TMEM267: variants seen among roughly 807,000 people sequenced by gnomAD.
TMEM267 encodes transmembrane protein C5orf28.
A neutral mutation model predicts 19.3 loss-of-function variants in TMEM267; 20 were observed. That is an observed-to-expected ratio of 1.04 (90% CI 0.73 to 1.51). The LOEUF (loss-of-function observed/expected upper bound fraction) is 1.51. Ranked by LOEUF, TMEM267 falls within the 40% of genes most tolerant of loss-of-function variation. The probability of loss-of-function intolerance (pLI) is 0.00; values close to 1 mark genes in which losing one functional copy is unlikely to be tolerated. For missense variants in TMEM267, 242 were observed against 261.9 expected (o/e 0.92, Z 0.52); for synonymous variants, 88 against 90.3 (o/e 0.97, Z 0.15).
chr5:43,467,178 A>C (rs1417279347), intron 1 of TMEM267, among the ~76,000 whole-genome samples: 1 of 151,398 alleles, frequency 6.6e-6, no homozygotes, highest in Non-Finnish European at 1.5e-5. Flanking sequence ...AGAAGGAAGA[A>C]AAGACCATAA....
intron 1 of TMEM267, among the ~76,000 whole-genome samples, chr5:43,462,151 G>A (rs570167479): frequency 7.9e-4 from 120 of 152,302 alleles, no homozygotes; most frequent in Non-Finnish European, 1.3e-3. Context: ...TGGTAATCCA[G>A]AGAATTCTCC....
intron 2 of TMEM267, among the ~76,000 whole-genome samples, chr5:43,447,092 A>C (rs1742287229): frequency 2.0e-5 from 3 of 151,874 alleles, no homozygotes; most frequent in Admixed American, 2.0e-4. Flanking sequence ...AACTTCAGTA[A>C]ATTTCTTTTT....
intron 1 of TMEM267, among the ~76,000 whole-genome samples, chr5:43,482,622 C>G (rs1438149072): frequency 2.6e-5 from 4 of 152,132 alleles, no homozygotes; most frequent in African/African-American, 9.7e-5. Context: ...CATAATAAAT[C>G]CGCAGCCTAT....
At chr5:43,449,277 A>G (rs997043789) in intron 2 of TMEM267, among the ~76,000 whole-genome samples, 1 of 152,188 alleles carries the variant, frequency 6.6e-6, no homozygotes, top group African/African-American at 2.4e-5. Flanking sequence ...GTCTCAAGAA[A>G]GAAAAGAAAA....
chr5:43,474,372 G>T (rs1329700497), intron 1 of TMEM267, among the ~76,000 whole-genome samples: 1 of 152,128 alleles, frequency 6.6e-6, no homozygotes, highest in Non-Finnish European at 1.5e-5. Context: ...CTGAAAAAGG[G>T]CTAATATCCA....
chr5:43,459,784 A>G (rs886461321), intron 1 of TMEM267, among the ~76,000 whole-genome samples: 1 of 152,214 alleles, frequency 6.6e-6, no homozygotes, highest in Non-Finnish European at 1.5e-5. Context: ...TTCATATGCT[A>G]TGAAGCAGTG....
intron 2 of TMEM267, among the ~76,000 whole-genome samples, chr5:43,448,498 C>T (rs1027870091): frequency 6.6e-6 from 1 of 152,048 alleles, no homozygotes; most frequent in Non-Finnish European, 1.5e-5. Flanking sequence ...AATATCAAGC[C>T]AGGTGGAGTG....
In TMEM267 at chr5:43,445,489, G is replaced by A. The variant is rs1027769671; in HGVS notation, c.*733C>T. The stretch of plus-strand genomic sequence containing the variant: ...TTCAAAACAGTTAAAACTAACACAC[G>A]AGATTCTAGGCTAGAGATACCAAAA... On this transcript the variant is annotated 3_prime_UTR_variant, in exon 3 of 3. Transcript: ENST00000397080. 5 of 151,846 alleles carry A rather than the reference G, an allele frequency of 3.3e-5. No homozygotes were observed. Among genetic ancestry groups the A allele is most frequent in the African/African-American group, 9.7e-5 (4 of 41,338 alleles). The allele number at this position is 151,846 out of a possible 1,614,324, so 9.4% of individuals were successfully genotyped here.
At chr5:43,483,975 G>A (rs1324142483), upstream of TMEM267, 1 of 152,276 alleles carries the variant, frequency 6.6e-6, no homozygotes, top group African/African-American at 2.4e-5. Context: ...AAGTCGAAAG[G>A]AAGCGACGCA....
intron 1 of TMEM267, chr5:43,476,053 C>T (rs1744403911): frequency 6.6e-6 from 1 of 152,042 alleles, no homozygotes; most frequent in South Asian, 2.1e-4. Context: ...TTTTTTACAC[C>T]GTGAAGGTCA....
At chr5:43,461,914 T>C (rs920932076) in intron 1 of TMEM267, among the ~76,000 whole-genome samples, 21 of 152,150 alleles carry the variant, frequency 1.4e-4, no homozygotes, top group Admixed American at 5.9e-4. Context: ...TACTGGCTGA[T>C]TGTAGAGTCC....
Position 43,453,812 on chromosome 5 carries a change from T to C in TMEM267, c.158A>G (p.Asp53Gly). The C allele has an allele frequency of 6.2e-7, 1 of 1,614,132 alleles. No individual in the cohort carries two copies. Among genetic ancestry groups the C allele is most frequent in the Non-Finnish European group, 8.5e-7 (1 of 1,180,018 alleles). Residue 53 changes from aspartate (D) to glycine (G), a missense_variant, in exon 2 of 3, where the codon GAT (aspartate) becomes GGT (glycine). Transcript: ENST00000397080. ...QQNDWLRALS[D>G]NAVHCVIGMW... Reference sequence around the variant, plus strand: ...GCCAATTACACAATGTACTGCATTATCTGAGAGAGCACGAAGCCAGTCATT... The same window carrying C: ...GCCAATTACACAATGTACTGCATTACCTGAGAGAGCACGAAGCCAGTCATT...
chr5:43,460,893 G>A (rs1743218477), intron 1 of TMEM267, among the ~76,000 whole-genome samples: 1 of 152,200 alleles, frequency 6.6e-6, no homozygotes, highest in South Asian at 2.1e-4. Flanking sequence ...GGCAGTGTAG[G>A]CCTTAAGGAC....
intron 1 of TMEM267, among the ~76,000 whole-genome samples, chr5:43,479,581 C>G (rs1744635109): frequency 6.7e-6 from 1 of 149,076 alleles, no homozygotes; most frequent in Non-Finnish European, 1.5e-5. Context: ...AAAATTACAT[C>G]CAATCTCATA....
chr5:43,481,857 G>A (rs1281769478), intron 1 of TMEM267, among the ~76,000 whole-genome samples: 1 of 152,112 alleles, frequency 6.6e-6, no homozygotes, highest in East Asian at 1.9e-4. Context: ...TTTGTGTTTT[G>A]TGTGAGATGG....
intron 1 of TMEM267, among the ~76,000 whole-genome samples, chr5:43,483,428 A>C (rs1185735885): frequency 6.6e-6 from 1 of 152,198 alleles, no homozygotes; most frequent in Non-Finnish European, 1.5e-5. Flanking sequence ...CGGGGCACGA[A>C]AGGCTCTTAC....
rs371437370 is a variant in TMEM267, at chr5:43,446,546, A to G, written c.324T>C (p.Thr108=). Residue 108 remains threonine, a synonymous_variant, in exon 3 of 3, where the codon ACT becomes ACC. Transcript: ENST00000397080. ...AGSMSLKAAL[T]LPRRPFLHCS... is the part of the protein sequence containing the mutation. ...AGTGAAGGAAAGGTCTTCGCGGGAG[A>G]GTCAAAGCAGCCTGAGGGAGCAAAG... 1 of 1,605,590 alleles carries G rather than the reference A, an allele frequency of 6.2e-7. No individual in the cohort carries two copies. The highest frequency in any genetic ancestry group is 8.5e-7 in the Non-Finnish European group (1 of 1,174,860).
At position 43,461,048 on chromosome 5, in the gene TMEM267, C is replaced by T. The variant is rs1304812597; in HGVS notation, c.-74-7005G>A. Among the ~76,000 whole-genome samples, 13 of 152,186 alleles carry T rather than the reference C, an allele frequency of 8.5e-5. No homozygotes were observed. The East Asian group carries it at 1.9e-3, about 23-fold the overall frequency. On this transcript the variant is annotated intron_variant, in intron 1 of 2. Transcript: ENST00000397080. ...TAACCCCATGCTGCACATCTTGAGG[C>T]TCCAAAAGAGACCCCTTCTTTTTGC...
intron 1 of TMEM267, among the ~76,000 whole-genome samples, chr5:43,454,821 C>T (rs1372690513): frequency 6.6e-6 from 1 of 152,124 alleles, no homozygotes; most frequent in African/African-American, 2.4e-5. Flanking sequence ...TATAAAAATG[C>T]AATCATAATT....
Sources: gnomAD v4.1 joint callset for allele counts (sites outside exome capture counted in the v4.1 genomes callset) on GRCh38, gnomAD v4.1.1 for gene constraint, MANE v1.5 for transcripts, NCBI Gene and HGNC (gene_info 2026-07-23, HGNC 2026-07-21) for gene names.